The following SYNDIG1L variants were observed in gnomAD, a reference collection of about 807,000 sequenced individuals.
SYNDIG1L encodes synapse differentiation inducing 1 like.
In SYNDIG1L, 13 loss-of-function variants were observed where a neutral mutation model predicts 20.1. That is an observed-to-expected ratio of 0.65 (90% CI 0.42 to 1.03). SYNDIG1L has a LOEUF of 1.03. Among genes scored for constraint, SYNDIG1L ranks in the 50% least tolerant of loss-of-function variants. The pLI is 0.00. For missense variants in SYNDIG1L, 294 were observed against 305.1 expected, an observed-to-expected ratio of 0.96 and a Z score of 0.27; for synonymous variants, 128 against 129.3, an observed-to-expected ratio of 0.99 and a Z score of 0.07.
At chr14:74,435,855 G>A in the SYNDIG1L span, among the ~76,000 whole-genome samples, 1 of 152,166 alleles carries the variant, frequency 6.6e-6, no homozygotes, top group Non-Finnish European at 1.5e-5. Flanking sequence ...GTTTGCTAGA[G>A]CCGTCAGGAG....
intron 3 of SYNDIG1L, 74 bp from the exon 4 acceptor site, chr14:74,407,767 G>C: frequency 1.3e-6 from 2 of 1,576,352 alleles, no homozygotes; most frequent in Non-Finnish European, 1.7e-6. Context: ...CCAGGCCCCT[G>C]ACCCCATCCT....
At chr14:74,420,168 G>A (rs950660307) in intron 1 of SYNDIG1L, among the ~76,000 whole-genome samples, 2 of 151,966 alleles carry the variant, frequency 1.3e-5, no homozygotes, top group Non-Finnish European at 2.9e-5. Flanking sequence ...AGGTCGAGGC[G>A]GGTGGATGAC....
the SYNDIG1L span, among the ~76,000 whole-genome samples, chr14:74,456,752 T>C: frequency 5.9e-5 from 9 of 151,992 alleles, no homozygotes; most frequent in African/African-American, 2.2e-4. Context: ...GTGTTGTCCA[T>C]CAGTTGGGGG....
the SYNDIG1L span, among the ~76,000 whole-genome samples, chr14:74,460,056 G>A: frequency 6.6e-6 from 1 of 151,796 alleles, no homozygotes; most frequent in Non-Finnish European, 1.5e-5. Flanking sequence ...TCTCATCTCT[G>A]TGGCCTGATG....
the SYNDIG1L span, among the ~76,000 whole-genome samples, chr14:74,473,085 G>GT: frequency 2.2e-3 from 328 of 152,234 alleles, 4 homozygotes; most frequent in Middle Eastern, 3.4e-3. Context: ...TAAATTCACC[G>GT]TAAGAAATAC....
chr14:74,435,890 G>C, the SYNDIG1L span, among the ~76,000 whole-genome samples: 1 of 152,228 alleles, frequency 6.6e-6, no homozygotes, highest in Non-Finnish European at 1.5e-5. Context: ...AGCACAGCAA[G>C]TGTTAGAGGC....
Position 74,407,301 on chromosome 14 carries a change from G to C in SYNDIG1L, c.*234C>G. 1.7e-6 allele frequency: 1 copy of C among 603,390 alleles called. No homozygotes were observed. The highest frequency in any genetic ancestry group is 2.9e-6 in the Non-Finnish European group (1 of 347,426). The allele number at this position is 603,390 out of a possible 1,614,324, so 37.4% of individuals were successfully genotyped here. A position where few individuals can be genotyped will look rare whatever the true frequency, so the allele number is the denominator to read the frequency against. Reference sequence around the variant, plus strand: ...TGGGCAGCCCTGCCTTCTGTTTCCCGTCTGTAGCCTGGGTTAGAGAGTGGC... The same window carrying C: ...TGGGCAGCCCTGCCTTCTGTTTCCCCTCTGTAGCCTGGGTTAGAGAGTGGC... On this transcript the variant is annotated 3_prime_UTR_variant, in exon 4 of 4. Transcript: ENST00000331628.
the SYNDIG1L span, among the ~76,000 whole-genome samples, chr14:74,437,503 A>G: frequency 6.6e-6 from 1 of 152,348 alleles, no homozygotes; most frequent in African/African-American, 2.4e-5. Context: ...GTGGCTAGAC[A>G]ACACAGAACA....
the SYNDIG1L span, chr14:74,474,792 C>G: frequency 6.6e-6 from 1 of 152,236 alleles, no homozygotes; most frequent in Non-Finnish European, 1.5e-5. Context: ...GAGAATGAAA[C>G]CTAGCCCACT....
chr14:74,419,067 C>T (rs2086200532), intron 1 of SYNDIG1L, among the ~76,000 whole-genome samples: 1 of 152,158 alleles, frequency 6.6e-6, no homozygotes, highest in Admixed American at 6.5e-5. Context: ...CGGCTCATGT[C>T]CCCTCTCTCC....
At chr14:74,477,816 G>A in the SYNDIG1L span, among the ~76,000 whole-genome samples, 1 of 152,200 alleles carries the variant, frequency 6.6e-6, no homozygotes, top group East Asian at 1.9e-4. Flanking sequence ...CCGTGGACTA[G>A]AAAAGCATGA....
At chr14:74,410,691 A>C (rs1429392133) in intron 1 of SYNDIG1L, among the ~76,000 whole-genome samples, 1 of 152,108 alleles carries the variant, frequency 6.6e-6, no homozygotes, top group Non-Finnish European at 1.5e-5. Flanking sequence ...GGGTTGAGAA[A>C]GGATTCATTC....
chr14:74,432,537 C>T, the SYNDIG1L span, among the ~76,000 whole-genome samples: 15 of 152,122 alleles, frequency 9.9e-5, no homozygotes, highest in African/African-American at 3.4e-4. Flanking sequence ...CACTGGAGAG[C>T]TATTGAGAGA....
the SYNDIG1L span, among the ~76,000 whole-genome samples, chr14:74,470,239 C>T: frequency 6.6e-6 from 1 of 152,074 alleles, no homozygotes; most frequent in Admixed American, 6.5e-5. Context: ...TGACTTATTT[C>T]CAGCCCTTTC....
chr14:74,407,805 G>C, intron 3 of SYNDIG1L, 44 bp downstream of exon 3: 1 of 1,592,614 alleles, frequency 6.3e-7, no homozygotes. Context: ...CCCTCCAGTA[G>C]AGTGACGGGC....
chr14:74,472,820 A>G, the SYNDIG1L span, among the ~76,000 whole-genome samples: 2 of 152,102 alleles, frequency 1.3e-5, no homozygotes, highest in Non-Finnish European at 2.9e-5. Flanking sequence ...TGGCTGGAGG[A>G]AGGAAGTACA....
At chr14:74,465,027 C>A in the SYNDIG1L span, among the ~76,000 whole-genome samples, 3 of 152,284 alleles carry the variant, frequency 2.0e-5, no homozygotes, top group Admixed American at 1.3e-4. Flanking sequence ...GCTGGGCAGA[C>A]CTGCCTCCAC....
At chr14:74,459,154 G>A in the SYNDIG1L span, among the ~76,000 whole-genome samples, 1 of 152,104 alleles carries the variant, frequency 6.6e-6, no homozygotes, top group East Asian at 1.9e-4. Context: ...GGCACGGTAG[G>A]GAAAGTCCCT....
chr14:74,416,974 G>A (rs954367056), intron 1 of SYNDIG1L, among the ~76,000 whole-genome samples: 1 of 152,196 alleles, frequency 6.6e-6, no homozygotes, highest in African/African-American at 2.4e-5. Flanking sequence ...ATGAGCCTTG[G>A]AAGTCTGACG....
Sources: allele counts gnomAD v4.1 joint callset (sites outside exome capture counted in the v4.1 genomes callset), GRCh38; gene constraint gnomAD v4.1.1; transcripts MANE v1.5; gene names NCBI Gene and HGNC (gene_info 2026-07-23, HGNC 2026-07-21).